ELL2: variants seen among roughly 807,000 people sequenced by gnomAD.
The protein encoded by ELL2 is elongation factor for RNA polymerase II 2.
In ELL2, 21 loss-of-function variants were observed where a neutral mutation model predicts 72.8. That is an observed-to-expected ratio of 0.29 (90% CI 0.20 to 0.42). The LOEUF is 0.42. ELL2 is among the 10% of genes least tolerant of loss of function. The pLI, the probability that ELL2 is intolerant of heterozygous loss-of-function variation, is 1.00. For synonymous variants in ELL2, 266 were observed against 283.2 expected, an observed-to-expected ratio of 0.94 and a Z score of 0.61; for missense variants, 568 against 772.8, an observed-to-expected ratio of 0.73 and a Z score of 3.14.
chr5:95,920,732 G>C (rs756785876), intron 2 of ELL2, among the ~76,000 whole-genome samples: 1 of 151,962 alleles, frequency 6.6e-6, no homozygotes, highest in Non-Finnish European at 1.5e-5. Flanking sequence ...TCCTCCCTTG[G>C]GTCTGCATGG....
Position 95,887,584 on chromosome 5 carries a change from T to C in ELL2, c.*1287A>G, listed in dbSNP as rs974601198. The C allele has an allele frequency of 3.3e-5, 5 of 152,660 alleles. No individual in the cohort carries two copies. The highest frequency in any genetic ancestry group is 7.2e-5 in the African/African-American group (3 of 41,466). The allele number at this position is 152,660 out of a possible 1,614,324, so 9.5% of individuals were successfully genotyped here. On this transcript the variant is annotated 3_prime_UTR_variant, in exon 12 of 12. Transcript: ENST00000237853. ...CTTATATTTTTGACCACATAACTTA[T>C]GTTCCCACATGATAAAACAAGTGAC...
intron 10 of ELL2, 54 bp downstream of exon 10, chr5:95,891,048 GA>G (rs1561487176): frequency 6.2e-7 from 1 of 1,609,584 alleles, no homozygotes; most frequent in East Asian, 2.2e-5. Context: ...GCAGGGCAGG[GA>G]AAGAAAGAAG....
intron 2 of ELL2, among the ~76,000 whole-genome samples, chr5:95,939,775 A>T (rs1750904364): frequency 6.6e-6 from 1 of 152,234 alleles, no homozygotes; most frequent in African/African-American, 2.4e-5. Context: ...AACTATCTTG[A>T]TTTTTATAAA....
At position 95,895,611 on chromosome 5, in the gene ELL2, C is replaced by G; in HGVS notation, c.1589+17G>C. ...AAAATTAAGCCGCTCTCTCCATTGGCAGACATATGAACTTACATCAAATAA... is the reference window on the plus strand; with the variant it reads ...AAAATTAAGCCGCTCTCTCCATTGGGAGACATATGAACTTACATCAAATAA... On this transcript the variant is annotated intron_variant, in intron 9 of 11. Coordinates refer to ENST00000237853, the MANE Select transcript of ELL2 (RefSeq NM_012081.6). 1 of 1,610,472 alleles carries G rather than the reference C, an allele frequency of 6.2e-7. No homozygotes were observed. Among genetic ancestry groups the G allele is most frequent in the Non-Finnish European group, 8.5e-7 (1 of 1,177,050 alleles).
chr5:95,950,948 ATATATAAAATC>A (rs1751372542), intron 1 of ELL2, among the ~76,000 whole-genome samples: 1 of 104,468 alleles, frequency 9.6e-6, no homozygotes, highest in Non-Finnish European at 1.8e-5. Context: ...ATATATATAT[ATATATAAAATC>A]TTCATATATA....
At chr5:95,960,529 T>A (rs1751792407) in intron 1 of ELL2, among the ~76,000 whole-genome samples, 1 of 151,996 alleles carries the variant, frequency 6.6e-6, no homozygotes, top group East Asian at 1.9e-4. Context: ...TGTATATGTG[T>A]GTGTGTGTGT....
chr5:95,895,522 C>T, intron 9 of ELL2, 106 bp downstream of exon 9: 2 of 1,042,974 alleles, frequency 1.9e-6, no homozygotes, highest in Non-Finnish European at 2.9e-6. Flanking sequence ...CTCCAGGACT[C>T]TATTTCTGGA....
chr5:95,929,372 C>G (rs1266478179), intron 2 of ELL2, among the ~76,000 whole-genome samples: 1 of 151,846 alleles, frequency 6.6e-6, no homozygotes, highest in Admixed American at 6.6e-5. Flanking sequence ...GATTCTCCTG[C>G]CTCAGCCTCC....
At chr5:95,899,761 T>G (rs924579085) in intron 7 of ELL2, among the ~76,000 whole-genome samples, 3 of 152,216 alleles carry the variant, frequency 2.0e-5, no homozygotes, top group Non-Finnish European at 4.4e-5. Flanking sequence ...AGTATATAAT[T>G]TGATCAGAGT....
chr5:95,947,520 C>G (rs747339160), intron 1 of ELL2, among the ~76,000 whole-genome samples: 8 of 152,162 alleles, frequency 5.3e-5, no homozygotes, highest in Admixed American at 1.3e-4. Context: ...CTCAAGTGAG[C>G]CTCCTAAAAC....
chr5:95,898,607 T>A lies in ELL2; in HGVS notation c.1158A>T (p.Ser386=). 1 of 1,613,224 alleles carries A rather than the reference T, an allele frequency of 6.2e-7. No homozygotes were observed. Among genetic ancestry groups the A allele is most frequent in the Non-Finnish European group, 8.5e-7 (1 of 1,179,678 alleles). The part of the protein sequence containing the change: ...PPLPSTYLPI[S]HPPQIVNSNS... ...TAGAATTTACAATCTGAGGAGGATG[T>A]GAGATGGGCAGATAGGTTGAAGGCA... Residue 386 remains serine, a synonymous_variant, in exon 8 of 12, where the codon TCA becomes TCT. Transcript: ENST00000237853.
At chr5:95,951,807 G>A (rs748152637) in intron 1 of ELL2, among the ~76,000 whole-genome samples, 16 of 152,176 alleles carry the variant, frequency 1.1e-4, no homozygotes, top group South Asian at 2.1e-4. Flanking sequence ...AGAGATGATG[G>A]TAACTGGGAC....
chr5:95,953,143 A>G (rs1258592473), intron 1 of ELL2, among the ~76,000 whole-genome samples: 1 of 152,166 alleles, frequency 6.6e-6, no homozygotes, highest in African/African-American at 2.4e-5. Context: ...CAGACTTTAT[A>G]GTGTTCATTT....
chr5:95,936,109 A>G (rs1322245556), intron 2 of ELL2, among the ~76,000 whole-genome samples: 2 of 152,218 alleles, frequency 1.3e-5, no homozygotes, highest in Non-Finnish European at 2.9e-5. Flanking sequence ...GGTAAAGACT[A>G]TGTTGTGGAA....
chr5:95,921,304 C>T (rs569544203), intron 2 of ELL2, among the ~76,000 whole-genome samples: 8 of 152,282 alleles, frequency 5.3e-5, no homozygotes, highest in Admixed American at 2.0e-4. Flanking sequence ...TCAAATTTCA[C>T]CAAAGATACT....
At position 95,919,490 on chromosome 5, in the gene ELL2, T is replaced by A; in HGVS notation, c.251A>T (p.Tyr84Phe). Residue 84 changes from tyrosine (Y) to phenylalanine (F), a missense_variant, in exon 3 of 12, where the codon TAT (tyrosine) becomes TTT (phenylalanine). Physicochemically the swap from Tyr to Phe is conservative, Grantham distance 22. Around this residue, in one of 2 missense-constraint regions of ELL2, gnomAD observed 511 missense variants for 728.4 expected, o/e 0.70. Coordinates refer to ENST00000237853, the MANE Select transcript of ELL2 (RefSeq NM_012081.6). The stretch of plus-strand genomic sequence containing the variant: ...GTTGTCTTTGCCCACATTTGACAAA[T>A]AAAAGTTAAAGTTATGAACTTCATT... The part of the protein sequence containing the change: ...PLNEVHNFNF[Y>F]LSNVGKDNPQ... 1.3e-6 allele frequency: 2 copies of A among 1,588,790 alleles called. No individual in the cohort carries two copies. The highest frequency in any genetic ancestry group is 1.7e-6 in the Non-Finnish European group (2 of 1,171,304).
intron 2 of ELL2, among the ~76,000 whole-genome samples, chr5:95,941,229 TTTATATCTAAA>T (rs779305040): frequency 1.8e-4 from 27 of 152,152 alleles, no homozygotes; most frequent in Non-Finnish European, 3.4e-4. Flanking sequence ...CCATCAGTCA[TTTATATCTAAA>T]TTGCTTCCAT....
In ELL2 at chr5:95,889,074, G is replaced by C; in HGVS notation, c.1806+12C>G. 1 of 1,608,660 alleles carries C rather than the reference G, an allele frequency of 6.2e-7. No homozygotes were observed. The highest frequency in any genetic ancestry group is 8.5e-7 in the Non-Finnish European group (1 of 1,177,712). ...AACCACAGGTCAGAAAATCAACAGT[G>C]ATGATACCTACCTGCTTTATCTTCT... On this transcript the variant is annotated intron_variant, in intron 11 of 11. Coordinates refer to ENST00000237853, the MANE Select transcript of ELL2 (RefSeq NM_012081.6).
intron 4 of ELL2, among the ~76,000 whole-genome samples, chr5:95,912,441 T>G (rs1749642862): frequency 6.6e-6 from 1 of 152,206 alleles, no homozygotes; most frequent in South Asian, 2.1e-4. Context: ...AACAACATTT[T>G]CCAAGCAACA....
Sources: allele counts gnomAD v4.1 joint callset (sites outside exome capture counted in the v4.1 genomes callset), GRCh38; gene constraint gnomAD v4.1.1; regional missense constraint gnomAD v4.1.1; transcripts MANE v1.5; gene names NCBI Gene and HGNC (gene_info 2026-07-23, HGNC 2026-07-21).